The following RSPO1 variants were observed in gnomAD, a reference collection of about 807,000 sequenced individuals.
RSPO1 encodes the protein R-spondin 1.
RSPO1 carries 18 observed loss-of-function variants against 26.0 expected under a neutral mutation model. The observed-to-expected ratio is 0.69, with a 90% CI of 0.48 to 1.03. The LOEUF is 1.03. Among genes scored for constraint, RSPO1 ranks in the 50% least tolerant of loss-of-function variants. RSPO1 has a pLI of 0.00. For synonymous variants in RSPO1, 133 were observed against 137.4 expected (o/e 0.97, Z 0.22); for missense variants, 309 against 352.3 (o/e 0.88, Z 0.98).
At chr1:37,622,082 C>T (rs1416356885) in intron 3 of RSPO1, among the ~76,000 whole-genome samples, 1 of 151,996 alleles carries the variant, frequency 6.6e-6, no homozygotes. Flanking sequence ...AAGAGAAGGA[C>T]GGAAAAGTCT....
chr1:37,625,414 A>G (rs566498425), intron 3 of RSPO1, among the ~76,000 whole-genome samples: 8 of 152,208 alleles, frequency 5.3e-5, no homozygotes, highest in Admixed American at 3.9e-4. Flanking sequence ...GGTGGAGAGA[A>G]CTCACCGTGA....
chr1:37,621,054 G>T (rs554666117), intron 3 of RSPO1, among the ~76,000 whole-genome samples: 1 of 152,134 alleles, frequency 6.6e-6, no homozygotes, highest in African/African-American at 2.4e-5. Flanking sequence ...CAGATCTGCT[G>T]CCCACCTTCC....
At position 37,616,491 on chromosome 1, in the gene RSPO1, C is replaced by T. The variant is rs1025272837; in HGVS notation, c.279G>A (p.Lys93=). 2.5e-6 allele frequency: 4 copies of T among 1,614,060 alleles called. No individual in the cohort carries two copies. Among genetic ancestry groups the T allele is most frequent in the Non-Finnish European group, 2.5e-6 (3 of 1,180,016 alleles). Residue 93 remains lysine (K), a synonymous_variant, in exon 4 of 7, where the codon AAG becomes AAA. Coordinates refer to ENST00000356545, the MANE Select transcript of RSPO1 (RefSeq NM_001242908.2). ...AGCCCTGCCCACACTCACTGATGCA[C>T]TTGTTCATGTCGGGGTTGCGGGCGT... ...YFDARNPDMN[K]CIKCKIEHCE... is the part of the protein sequence containing the mutation.
chr1:37,616,774 CCACA>C, intron 3 of RSPO1, 99 bp from the exon 4 acceptor site: 4 of 1,147,986 alleles, frequency 3.5e-6, no homozygotes, highest in Non-Finnish European at 5.2e-6. Context: ...ATGTTTCCTT[CCACA>C]GAAGGAATAT....
At chr1:37,628,216 T>C (rs1291036480) in intron 3 of RSPO1, among the ~76,000 whole-genome samples, 1 of 152,098 alleles carries the variant, frequency 6.6e-6, no homozygotes, top group Non-Finnish European at 1.5e-5. Context: ...ATTTCGGAAA[T>C]AGAGGAGACC....
intron 2 of RSPO1, among the ~76,000 whole-genome samples, chr1:37,630,939 G>A (rs776424271): frequency 1.6e-4 from 24 of 152,220 alleles, no homozygotes; most frequent in Non-Finnish European, 3.2e-4. Flanking sequence ...AGATGCCTTC[G>A]AACAAGTCAT....
At chr1:37,631,454 C>T (rs1019019846) in intron 2 of RSPO1, among the ~76,000 whole-genome samples, 1 of 152,222 alleles carries the variant, frequency 6.6e-6, no homozygotes, top group Non-Finnish European at 1.5e-5. Flanking sequence ...ACAATTCTCT[C>T]ACCCACAGAT....
intron 3 of RSPO1, among the ~76,000 whole-genome samples, chr1:37,626,424 C>A (rs114514240): frequency 0.01 from 1,527 of 152,282 alleles, 26 homozygotes; most frequent in African/African-American, 0.035. Flanking sequence ...CCTAAAGGAA[C>A]ACTCTATGCC....
chr1:37,631,869 T>C (rs748090041), intron 2 of RSPO1: 1 of 152,226 alleles, frequency 6.6e-6, no homozygotes, highest in Non-Finnish European at 1.5e-5. Flanking sequence ...TGTTATGCAA[T>C]TTCCATATTT....
chr1:37,620,356 AAAT>A (rs1463162521), intron 3 of RSPO1, among the ~76,000 whole-genome samples: 2 of 152,152 alleles, frequency 1.3e-5, no homozygotes, highest in Admixed American at 6.5e-5. Flanking sequence ...CTATTACAAA[AAAT>A]AATAATAGAC....
chr1:37,626,492 C>T (rs1170402160), intron 3 of RSPO1, among the ~76,000 whole-genome samples: 3 of 152,198 alleles, frequency 2.0e-5, no homozygotes, highest in South Asian at 2.1e-4. Context: ...GCGGCATTCC[C>T]GAACTGGATT....
intron 3 of RSPO1, among the ~76,000 whole-genome samples, chr1:37,620,015 C>G (rs1330831110): frequency 6.6e-6 from 1 of 152,106 alleles, no homozygotes; most frequent in Non-Finnish European, 1.5e-5. Context: ...TCCCAAAGTG[C>G]TGAGATTACA....
chr1:37,625,492 G>C (rs1644261920), intron 3 of RSPO1, among the ~76,000 whole-genome samples: 1 of 152,084 alleles, frequency 6.6e-6, no homozygotes, highest in Non-Finnish European at 1.5e-5. Flanking sequence ...TGGTAAGAGA[G>C]ACCTGAGTTC....
In RSPO1 at chr1:37,634,302, A is replaced by G. The variant is rs1216127029; in HGVS notation, c.-356+264T>C. 6.6e-6 allele frequency among the ~76,000 whole-genome samples: 1 copy of G among 152,078 alleles called. No homozygotes were observed. Among genetic ancestry groups the G allele is most frequent in the Non-Finnish European group, 1.5e-5 (1 of 68,012 alleles). On this transcript the variant is annotated intron_variant, in intron 1 of 6. Coordinates refer to ENST00000356545, the MANE Select transcript of RSPO1 (RefSeq NM_001242908.2). This position sits in a 1 kb window ranked among gnomAD's most constrained non-coding sequence, Gnocchi z 4.7. ...TTCAGGACTGCGAGTGAGGATGATC[A>G]CCCGGGGCTGCGGGATGGAGGGGAG... is the stretch of plus-strand genomic sequence containing the variant.
rs764878797 is a variant in RSPO1 at position 37,613,800 on chromosome 1, G to A, written c.529C>T (p.Arg177Cys). 27 of 1,613,894 alleles carry A rather than the reference G, an allele frequency of 1.7e-5. No homozygotes were observed. The highest frequency in any genetic ancestry group is 6.7e-5 in the African/African-American group (5 of 74,936). Residue 177 changes from arginine to cysteine, a missense_variant, in exon 6 of 7, where the codon CGC (arginine) becomes TGC (cysteine). Coordinates refer to ENST00000356545, the MANE Select transcript of RSPO1 (RefSeq NM_001242908.2). This position sits in a 1 kb window ranked among gnomAD's most constrained non-coding sequence, Gnocchi z 4.5. ...CCCACAGGGGCATGTAGCACCCTGC[G>A]TGTCCGCTCCTCGGAGCCCCTCCGG... ...GFRRGSEERT[R>C]RVLHAPVGDH...
At chr1:37,626,954 A>T (rs947245536) in intron 3 of RSPO1, among the ~76,000 whole-genome samples, 1 of 152,026 alleles carries the variant, frequency 6.6e-6, no homozygotes, top group African/African-American at 2.4e-5. Flanking sequence ...AGGGTCCTCA[A>T]TGAGTGGAGG....
At position 37,624,674 on chromosome 1, in the gene RSPO1, G is replaced by A. The variant is rs113780935; in HGVS notation, c.94+4894C>T. ...ACCCCTTGAAGAATGGTTCTGGATC[G>A]CTGCCCCTCCCCGCTAGGGGCTTCA... On this transcript the variant is annotated intron_variant, in intron 3 of 6. Coordinates refer to ENST00000356545, the MANE Select transcript of RSPO1 (RefSeq NM_001242908.2). Among the ~76,000 whole-genome samples, 1,330 of 152,278 alleles carry A rather than the reference G, an allele frequency of 8.7e-3. 12 individuals are homozygous for A. The highest frequency in any genetic ancestry group is 0.031 in the African/African-American group (1,276 of 41,538).
Position 37,612,745 on chromosome 1 carries a change from G to C in RSPO1, c.*10C>G. 3.1e-6 allele frequency: 5 copies of C among 1,608,838 alleles called. No homozygotes were observed. Among genetic ancestry groups the C allele is most frequent in the Non-Finnish European group, 4.2e-6 (5 of 1,179,882 alleles). On this transcript the variant is annotated 3_prime_UTR_variant, in exon 7 of 7. Coordinates refer to ENST00000356545, the MANE Select transcript of RSPO1 (RefSeq NM_001242908.2). ...TCTTTCTGCATGGGCCTGGAGGCTG[G>C]ACAGTGTCCCTAGGCAGGCCCTGCA...
rs758166157 is a variant in RSPO1, at chr1:37,613,769, T to C, written c.560A>G (p.His187Arg). 1 of 1,614,026 alleles carries C rather than the reference T, an allele frequency of 6.2e-7. No individual in the cohort carries two copies. Among genetic ancestry groups the C allele is most frequent in the Non-Finnish European group, 8.5e-7 (1 of 1,180,018 alleles). The change falls in exon 6 of 7, where the codon CAT (histidine) becomes CGT (arginine). Residue 187 changes from histidine to arginine, a missense_variant. Transcript: ENST00000356545. This position sits in a 1 kb window ranked among gnomAD's most constrained non-coding sequence, Gnocchi z 4.5. ...CTCCTTGGTGTCAGAGCAGGCAGCA[T>C]GGTCCCCCACAGGGGCATGTAGCAC... ...RRVLHAPVGD[H>R]AACSDTKETR...
Sources: allele counts gnomAD v4.1 joint callset (sites outside exome capture counted in the v4.1 genomes callset), GRCh38; gene constraint gnomAD v4.1.1; non-coding constraint Gnocchi (gnomAD v3.1); transcripts MANE v1.5; gene names NCBI Gene and HGNC (gene_info 2026-07-23, HGNC 2026-07-21).